MIPOL1: variants seen among roughly 807,000 people sequenced by gnomAD.
The protein encoded by MIPOL1 is mirror-image polydactyly 1, also known as mirror-image polydactyly gene 1 protein.
MIPOL1 carries 57 observed loss-of-function variants against 60.9 expected under a neutral mutation model. That is an observed-to-expected ratio of 0.94 (90% CI 0.76 to 1.17). MIPOL1 has a LOEUF of 1.17. MIPOL1 is among the 50% of genes most tolerant of loss of function. The pLI, the probability that MIPOL1 is intolerant of heterozygous loss-of-function variation, is 0.00. For missense variants in MIPOL1, 551 were observed against 511.6 expected (o/e 1.08, Z -0.74); for synonymous variants, 179 against 168.8 (o/e 1.06, Z -0.47).
chr14:37,264,024 A>G (rs1243286016), intron 3 of MIPOL1, among the ~76,000 whole-genome samples: 1 of 152,108 alleles, frequency 6.6e-6, no homozygotes, highest in Non-Finnish European at 1.5e-5. Context: ...AGTTCTTTTT[A>G]AAGTGATGGG....
intron 9 of MIPOL1, among the ~76,000 whole-genome samples, chr14:37,350,160 T>C (rs1434034379): frequency 6.6e-6 from 1 of 152,162 alleles, no homozygotes; most frequent in Non-Finnish European, 1.5e-5. Context: ...TAGCCTTAAA[T>C]TCCTGAACTC....
intron 11 of MIPOL1, among the ~76,000 whole-genome samples, chr14:37,478,685 A>C (rs1424654276): frequency 1.3e-5 from 2 of 152,198 alleles, no homozygotes; most frequent in African/African-American, 4.8e-5. Flanking sequence ...CTTTACTTTT[A>C]AGGACACATA....
intron 3 of MIPOL1, among the ~76,000 whole-genome samples, chr14:37,266,647 G>T (rs965585762): frequency 6.6e-6 from 1 of 152,068 alleles, no homozygotes; most frequent in Non-Finnish European, 1.5e-5. Context: ...TTCTTCAAAA[G>T]GAAAAAGGAT....
At chr14:37,389,561 G>C (rs1272737775) in intron 10 of MIPOL1, among the ~76,000 whole-genome samples, 1 of 151,392 alleles carries the variant, frequency 6.6e-6, no homozygotes, top group Non-Finnish European at 1.5e-5. Flanking sequence ...TCTGAGGCTT[G>C]ATTTTGGATT....
At chr14:37,308,708 CCT>C (rs1211581771) in intron 9 of MIPOL1, among the ~76,000 whole-genome samples, 189 bp downstream of exon 9, 1 of 151,840 alleles carries the variant, frequency 6.6e-6, no homozygotes, top group African/African-American at 2.4e-5. Flanking sequence ...AAATATGAAA[CCT>C]CATTTTAAAT....
chr14:37,483,679 A>G (rs2094907358), intron 11 of MIPOL1, among the ~76,000 whole-genome samples: 1 of 152,006 alleles, frequency 6.6e-6, no homozygotes, highest in South Asian at 2.1e-4. Context: ...TCTGTGGCCC[A>G]AGCTGGAGTG....
At chr14:37,438,741 A>T (rs2094199551) in intron 11 of MIPOL1, among the ~76,000 whole-genome samples, 1 of 152,230 alleles carries the variant, frequency 6.6e-6, no homozygotes, top group Non-Finnish European at 1.5e-5. Flanking sequence ...CAAACTGCAC[A>T]AATTACAACC....
intron 6 of MIPOL1, among the ~76,000 whole-genome samples, chr14:37,282,388 G>A (rs948646666): frequency 2.0e-5 from 3 of 151,862 alleles, no homozygotes; most frequent in Non-Finnish European, 4.4e-5. Context: ...TTGCAGGCAT[G>A]CACCACCACA....
intron 10 of MIPOL1, among the ~76,000 whole-genome samples, chr14:37,396,468 G>A (rs922107198): frequency 6.6e-6 from 1 of 151,990 alleles, no homozygotes; most frequent in African/African-American, 2.4e-5. Context: ...ATGATTTTTT[G>A]TGATGAATTT....
intron 1 of MIPOL1, among the ~76,000 whole-genome samples, chr14:37,222,158 AATAG>A (rs1369970583): frequency 6.6e-6 from 1 of 152,068 alleles, no homozygotes; most frequent in Non-Finnish European, 1.5e-5. Flanking sequence ...AAAACAGAGA[AATAG>A]ATAAGAAGAA....
intron 1 of MIPOL1, among the ~76,000 whole-genome samples, chr14:37,224,424 G>C (rs2139583009): frequency 6.6e-6 from 1 of 152,352 alleles, no homozygotes; most frequent in South Asian, 2.1e-4. Context: ...TGAACTCACA[G>C]TTCCATGAGG....
At chr14:37,526,545 A>ATTTTT (rs760730621) in intron 12 of MIPOL1, among the ~76,000 whole-genome samples, 3 of 116,700 alleles carry the variant, frequency 2.6e-5, no homozygotes, top group Non-Finnish European at 5.7e-5. Flanking sequence ...AATTTTTTGT[A>ATTTTT]TTTTTTTTTT....
chr14:37,428,592 GTTT>G (rs1203471457), intron 11 of MIPOL1, among the ~76,000 whole-genome samples: 1 of 150,170 alleles, frequency 6.7e-6, no homozygotes, highest in African/African-American at 2.4e-5. Flanking sequence ...TGTCTCCCCA[GTTT>G]TTTTCTTCTT....
At chr14:37,298,523 A>G (rs1362578535) in intron 7 of MIPOL1, among the ~76,000 whole-genome samples, 4 of 152,180 alleles carry the variant, frequency 2.6e-5, no homozygotes, top group African/African-American at 9.7e-5. Context: ...CAACCTACAG[A>G]ATGGGAGACA....
rs68123796 is a variant in MIPOL1 at position 37,426,570 on chromosome 14, C to CATATATATATATATATATATATATAT, written c.1031+3646_1031+3647insTATATATATATATATATATATATATA. On this transcript the variant is annotated intron_variant, in intron 11 of 12. Coordinates refer to ENST00000684589, the MANE Select transcript of MIPOL1 (RefSeq NM_001388067.1). The stretch of plus-strand genomic sequence containing the variant: ...GAGTGAAACTCTGTCTCAAAATATA[C>CATATATATATATATATATATATATAT]ATATATATATATATATATATATATA... Among the ~76,000 whole-genome samples the CATATATATATATATATATATATATAT allele has an allele frequency of 8.5e-4, 73 of 85,500 alleles. 1 individual carries two copies. The highest frequency in any genetic ancestry group is 1.0e-3 in the Admixed American group (7 of 7,012). 56.1% of individuals were successfully genotyped at this position (85,500 alleles called of 152,430 possible). A position where few individuals can be genotyped will look rare whatever the true frequency, so the allele number is the denominator to read the frequency against.
intron 7 of MIPOL1, among the ~76,000 whole-genome samples, chr14:37,304,086 C>A (rs1197731127): frequency 6.6e-6 from 1 of 151,840 alleles, no homozygotes; most frequent in East Asian, 1.9e-4. Flanking sequence ...CAATGCATAA[C>A]TGTTTTTGCT....
At chr14:37,293,894 A>G (rs2085344590) in intron 7 of MIPOL1, among the ~76,000 whole-genome samples, 1 of 152,166 alleles carries the variant, frequency 6.6e-6, no homozygotes, top group Non-Finnish European at 1.5e-5. Context: ...CAGGGCACAG[A>G]CAAACAAAAG....
In MIPOL1 at chr14:37,369,947, A is replaced by C. The variant is rs997591602; in HGVS notation, c.936+323A>C. The C allele has an allele frequency of 1.0e-4, 16 of 157,120 alleles. No individual in the cohort carries two copies. In the East Asian group the frequency reaches 2.7e-3, roughly 27 times the overall value. The allele number at this position is 157,120 out of a possible 1,614,324, so 9.7% of individuals were successfully genotyped here. On this transcript the variant is annotated intron_variant, in intron 10 of 12. Transcript: ENST00000684589. ...GACCATACTAAAAGAAAAAAAATTA[A>C]ATCATGGGCCTTTGCTTTGCATCAA...
chr14:37,470,292 T>C (rs1231199767), intron 11 of MIPOL1, among the ~76,000 whole-genome samples: 2 of 152,226 alleles, frequency 1.3e-5, no homozygotes, highest in African/African-American at 4.8e-5. Flanking sequence ...ATTAGTTATA[T>C]AGATGATCAA....
Sources: allele counts gnomAD v4.1 joint callset (sites outside exome capture counted in the v4.1 genomes callset), GRCh38; gene constraint gnomAD v4.1.1; transcripts MANE v1.5; gene names NCBI Gene and HGNC (gene_info 2026-07-23, HGNC 2026-07-21).